The following ATG10 variants were observed in gnomAD, a reference collection of about 807,000 sequenced individuals.
ATG10 encodes ubiquitin-like-conjugating enzyme ATG10.
In ATG10, 30 loss-of-function variants were observed where a neutral mutation model predicts 32.1. The observed-to-expected ratio is 0.94, with a 90% CI of 0.70 to 1.27. ATG10 has a LOEUF of 1.27. ATG10 is among the 50% of genes most tolerant of loss of function. The pLI, the probability that ATG10 is intolerant of heterozygous loss-of-function variation, is 0.00. For synonymous variants in ATG10, 87 were observed against 91.5 expected, an observed-to-expected ratio of 0.95 and a Z score of 0.28; for missense variants, 233 against 262.3, an observed-to-expected ratio of 0.89 and a Z score of 0.77.
intron 3 of ATG10, among the ~76,000 whole-genome samples, chr5:82,118,316 GTATA>G (rs1474669836): frequency 7.4e-6 from 1 of 135,610 alleles, no homozygotes; most frequent in Non-Finnish European, 1.6e-5. Flanking sequence ...GTGTGTGTGT[GTATA>G]TATATATACA....
intron 3 of ATG10, among the ~76,000 whole-genome samples, chr5:82,161,913 G>A (rs867817433): frequency 6.6e-6 from 1 of 152,130 alleles, no homozygotes; most frequent in South Asian, 2.1e-4. Context: ...TAAGACTGAG[G>A]TGGGGTACAG....
intron 3 of ATG10, among the ~76,000 whole-genome samples, chr5:82,140,055 G>A (rs1203507758): frequency 2.9e-5 from 4 of 140,336 alleles, no homozygotes; most frequent in South Asian, 2.3e-4. Flanking sequence ...CGCCCCGTCC[G>A]GGAGGGAGGT....
At chr5:82,003,262 T>C (rs1761899864) in intron 2 of ATG10, among the ~76,000 whole-genome samples, 1 of 152,178 alleles carries the variant, frequency 6.6e-6, no homozygotes, top group South Asian at 2.1e-4. Flanking sequence ...GAAATATCAG[T>C]AGGAATGCAA....
chr5:81,977,609 C>T (rs1394053754), intron 1 of ATG10, among the ~76,000 whole-genome samples: 1 of 152,124 alleles, frequency 6.6e-6, no homozygotes, highest in Non-Finnish European at 1.5e-5. Context: ...ATTTTTAAAC[C>T]TTGCATTCTT....
intron 1 of ATG10, among the ~76,000 whole-genome samples, chr5:81,983,288 A>AC (rs1200867069): frequency 1.4e-4 from 17 of 118,860 alleles, no homozygotes; most frequent in Admixed American, 3.6e-4. Context: ...CGGGGGGCTG[A>AC]CCCCCCCACC....
chr5:82,078,933 A>C (rs1764372413), intron 3 of ATG10, among the ~76,000 whole-genome samples: 1 of 152,118 alleles, frequency 6.6e-6, no homozygotes, highest in African/African-American at 2.4e-5. Context: ...AGTGAATTCA[A>C]ACTCCAGTAT....
intron 4 of ATG10, among the ~76,000 whole-genome samples, chr5:82,171,402 A>C (rs1163451600): frequency 6.6e-6 from 1 of 152,232 alleles, no homozygotes; most frequent in East Asian, 1.9e-4. Flanking sequence ...ATAATTTTGA[A>C]AATATTTATT....
intron 5 of ATG10, among the ~76,000 whole-genome samples, chr5:82,235,832 TTCTC>T (rs928546280): frequency 2.0e-5 from 3 of 152,254 alleles, no homozygotes; most frequent in Admixed American, 6.5e-5. Flanking sequence ...TGTTTTATTT[TTCTC>T]TCTATGACGC....
intron 2 of ATG10, chr5:82,010,138 C>T (rs897915702): frequency 1.6e-5 from 24 of 1,466,530 alleles, no homozygotes; most frequent in East Asian, 6.8e-5. Context: ...TCTGCAAAGC[C>T]GCTTTCTTAT....
At chr5:82,243,253 A>G (rs887278113) in intron 5 of ATG10, among the ~76,000 whole-genome samples, 2 of 152,056 alleles carry the variant, frequency 1.3e-5, no homozygotes, top group Non-Finnish European at 2.9e-5. Flanking sequence ...AGAAGAGGAA[A>G]AAAGAAAAGG....
At chr5:82,230,643 G>T (rs1165240968) in intron 5 of ATG10, among the ~76,000 whole-genome samples, 1 of 142,140 alleles carries the variant, frequency 7.0e-6, no homozygotes, top group Admixed American at 7.6e-5. Context: ...TGAGGCAAGA[G>T]AATCGCTTGA....
At chr5:82,133,010 A>G (rs1766602994) in intron 3 of ATG10, among the ~76,000 whole-genome samples, 1 of 152,026 alleles carries the variant, frequency 6.6e-6, no homozygotes, top group Non-Finnish European at 1.5e-5. Flanking sequence ...GCATTTTTTC[A>G]TATATTTGTT....
At chr5:82,116,580 G>A (rs905194851) in intron 3 of ATG10, among the ~76,000 whole-genome samples, 1 of 151,968 alleles carries the variant, frequency 6.6e-6, no homozygotes, top group Non-Finnish European at 1.5e-5. Context: ...GGAAATTTCA[G>A]CTATTAAGCT....
At chr5:82,150,235 G>GTT (rs540890795) in intron 3 of ATG10, among the ~76,000 whole-genome samples, 2 of 141,876 alleles carry the variant, frequency 1.4e-5, no homozygotes, top group African/African-American at 2.6e-5. Flanking sequence ...TTCTGGAGTT[G>GTT]TTTTTTTTTT....
chr5:82,188,140 G>A (rs908423118), intron 5 of ATG10, among the ~76,000 whole-genome samples: 4 of 152,152 alleles, frequency 2.6e-5, no homozygotes, highest in Admixed American at 6.5e-5. Flanking sequence ...GGGAGCTTAA[G>A]ATATATAGCT....
chr5:82,047,608 C>T (rs976323008), intron 2 of ATG10, among the ~76,000 whole-genome samples: 3 of 152,132 alleles, frequency 2.0e-5, no homozygotes, highest in African/African-American at 7.2e-5. Flanking sequence ...CACCTGTAAC[C>T]TTTTCTAGCC....
At chr5:82,093,030 A>C (rs1764941985) in intron 3 of ATG10, among the ~76,000 whole-genome samples, 5 of 152,182 alleles carry the variant, frequency 3.3e-5, no homozygotes, top group African/African-American at 7.2e-5. Flanking sequence ...TAAGCTTGCT[A>C]TGTAAATTTG....
chr5:82,117,920 A>G (rs1765873108), intron 3 of ATG10, among the ~76,000 whole-genome samples: 1 of 152,102 alleles, frequency 6.6e-6, no homozygotes, highest in African/African-American at 2.4e-5. Flanking sequence ...GGATTGTGGC[A>G]CTATCACAAC....
At chr5:82,061,144 T>C (rs998005453) in intron 3 of ATG10, among the ~76,000 whole-genome samples, 4 of 152,102 alleles carry the variant, frequency 2.6e-5, no homozygotes, top group African/African-American at 7.2e-5. Flanking sequence ...TCTCTTTTTT[T>C]CCCAGGTAAG....
Sources: allele counts gnomAD v4.1 joint callset (sites outside exome capture counted in the v4.1 genomes callset), GRCh38; gene constraint gnomAD v4.1.1; transcripts MANE v1.5; gene names NCBI Gene and HGNC (gene_info 2026-07-23, HGNC 2026-07-21).